Variants in ANK2 observed in about 807,000 individuals in gnomAD.
ANK2 encodes the protein ankyrin-2.
A neutral mutation model predicts 360.5 loss-of-function variants in ANK2; 83 were observed. That is an observed-to-expected ratio of 0.23 (90% CI 0.19 to 0.28). ANK2 has a LOEUF of 0.28. Ranked by LOEUF, ANK2 falls within the 10% of genes least tolerant of loss-of-function variation. The probability of loss-of-function intolerance (pLI) is 1.00; values close to 1 mark genes in which losing one functional copy is unlikely to be tolerated. For synonymous variants in ANK2, 1,740 were observed against 1,759.5 expected, an observed-to-expected ratio of 0.99 and a Z score of 0.28; for missense variants, 4,201 against 4,795.7, an observed-to-expected ratio of 0.88 and a Z score of 3.66.
At chr4:113,243,552 C>G (rs2041179438) in intron 9 of ANK2, among the ~76,000 whole-genome samples, 2 of 152,126 alleles carry the variant, frequency 1.3e-5, no homozygotes, top group African/African-American at 4.8e-5. Flanking sequence ...TGCGTTCTGT[C>G]AAATCTTTGC....
At chr4:112,783,678 G>T in the ANK2 span, among the ~76,000 whole-genome samples, 1 of 143,702 alleles carries the variant, frequency 7.0e-6, no homozygotes, top group Non-Finnish European at 1.5e-5. Flanking sequence ...TTGAGACAGA[G>T]TCTCGCTCTG....
At chr4:113,270,614 C>G (rs904787577) in intron 14 of ANK2, among the ~76,000 whole-genome samples, 18 of 152,056 alleles carry the variant, frequency 1.2e-4, no homozygotes, top group Non-Finnish European at 2.5e-4. Context: ...CCATTCTAAG[C>G]TACAACTGAA....
intron 2 of ANK2, among the ~76,000 whole-genome samples, chr4:113,023,199 T>C (rs1324269730): frequency 2.0e-5 from 3 of 152,252 alleles, no homozygotes; most frequent in Non-Finnish European, 4.4e-5. Context: ...CAGTTCATAA[T>C]TATAGGCTAA....
intron 1 of ANK2, among the ~76,000 whole-genome samples, chr4:112,825,904 A>T (rs939856102): frequency 2.6e-5 from 4 of 152,200 alleles, no homozygotes; most frequent in African/African-American, 9.7e-5. Flanking sequence ...AGATAAGAAC[A>T]TTCCTTTCCT....
chr4:113,096,809 C>T (rs971769566), intron 1 of ANK2, among the ~76,000 whole-genome samples: 1 of 151,764 alleles, frequency 6.6e-6, no homozygotes, highest in Admixed American at 6.6e-5. Flanking sequence ...AGAAAAAAAC[C>T]CAGTAAGTCG....
chr4:113,002,002 T>TTTTA (rs140994396), intron 2 of ANK2, among the ~76,000 whole-genome samples: 23,224 of 150,956 alleles, frequency 0.15, 2,162 homozygotes, highest in East Asian at 0.38. Context: ...CATCCGTTTC[T>TTTTA]TTTATTTATT....
chr4:113,302,522 A>G (rs1362167937), intron 22 of ANK2, among the ~76,000 whole-genome samples: 1 of 152,230 alleles, frequency 6.6e-6, no homozygotes, highest in African/African-American at 2.4e-5. Flanking sequence ...TTATTTTTCA[A>G]ATGAGAACTC....
chr4:113,292,503 G>A lies in ANK2; in HGVS notation c.2365G>A (p.Ala789Thr), dbSNP rs1238418730. 5.6e-6 allele frequency: 9 copies of A among 1,609,150 alleles called. No individual in the cohort carries two copies. The highest frequency in any genetic ancestry group is 4.4e-5 in the South Asian group (4 of 90,066). The change falls in exon 21 of 46, where the codon GCC becomes ACC. Residue 789 changes from alanine to threonine, a missense_variant. Coordinates refer to ENST00000357077, the MANE Select transcript of ANK2 (RefSeq NM_001148.6). ...VLLQHGAKPNATTANGNTALA... is the reference protein window; with the variant it reads ...VLLQHGAKPNTTTANGNTALA... ...GCTCCAGCATGGGGCCAAGCCCAAC[G>A]CCACCACTGCGGTAAGGCAGACGCC... is the stretch of plus-strand genomic sequence containing the variant.
intron 1 of ANK2, among the ~76,000 whole-genome samples, chr4:112,879,270 C>G (rs2076073224): frequency 6.6e-6 from 1 of 152,190 alleles, no homozygotes. Flanking sequence ...AGTTTGACTT[C>G]TGAGGTTCAG....
chr4:113,217,226 A>G lies in ANK2; in HGVS notation c.385-14935A>G, dbSNP rs1195948881. 4 of 152,126 alleles carry G rather than the reference A, an allele frequency of 2.6e-5. No homozygotes were observed. The East Asian group carries it at 7.7e-4, about 29-fold the overall frequency. The allele number at this position is 152,126 out of a possible 1,614,324, so 9.4% of individuals were successfully genotyped here. A position where few individuals can be genotyped will look rare whatever the true frequency, so the allele number is the denominator to read the frequency against. The stretch of plus-strand genomic sequence containing the variant: ...CCTTTATCAAAATATGAGAACTCCC[A>G]TCTCTATCACATTTCCCTTTTTTCT... On this transcript the variant is annotated intron_variant, in intron 4 of 45. Transcript: ENST00000357077.
intron 2 of ANK2, among the ~76,000 whole-genome samples, chr4:112,943,185 A>G (rs2154248021): frequency 6.6e-6 from 1 of 152,200 alleles, no homozygotes; most frequent in South Asian, 2.1e-4. Context: ...AAGCAATGAG[A>G]TGGGGCTTCA....
chr4:112,812,633 G>C, the ANK2 span, among the ~76,000 whole-genome samples: 1 of 152,134 alleles, frequency 6.6e-6, no homozygotes, highest in Non-Finnish European at 1.5e-5. Flanking sequence ...GTAGAAACCA[G>C]CTAACCCTCT....
intron 1 of ANK2, chr4:112,880,668 G>A (rs886228643): frequency 1.3e-5 from 2 of 152,174 alleles, no homozygotes; most frequent in African/African-American, 2.4e-5. Context: ...ACCCAAACTT[G>A]CTCCTTCCAT....
Position 113,274,637 on chromosome 4 carries a change from C to A in ANK2, c.1671C>A (p.Ser557=). ...TATTGGAAGCAGGAGCAGCCCACTCCTTAGCTACCAAGGTAAGGAGAATGA... is the reference window on the plus strand; with the variant it reads ...TATTGGAAGCAGGAGCAGCCCACTCATTAGCTACCAAGGTAAGGAGAATGA... ...SVLLEAGAAH[S]LATKKGFTPL... The change falls in exon 15 of 46, where the codon TCC becomes TCA. Residue 557 remains serine (S), a synonymous_variant. Coordinates refer to ENST00000357077, the MANE Select transcript of ANK2 (RefSeq NM_001148.6). 1 of 1,614,128 alleles carries A rather than the reference C, an allele frequency of 6.2e-7. No individual in the cohort carries two copies. Among genetic ancestry groups the A allele is most frequent in the Non-Finnish European group, 8.5e-7 (1 of 1,180,030 alleles).
chr4:113,222,676 G>T (rs1463523337), intron 4 of ANK2, among the ~76,000 whole-genome samples: 1 of 152,114 alleles, frequency 6.6e-6, no homozygotes, highest in African/African-American at 2.4e-5. Context: ...CGTAAAAGGA[G>T]CCTAATAGCA....
intron 1 of ANK2, among the ~76,000 whole-genome samples, chr4:112,834,741 G>T (rs2149722402): frequency 6.6e-6 from 1 of 152,150 alleles, no homozygotes; most frequent in East Asian, 1.9e-4. Flanking sequence ...TTTGCAGTTG[G>T]ATTGTTTAAG....
intron 2 of ANK2, among the ~76,000 whole-genome samples, chr4:112,951,106 A>AAAAAAAG (rs1427058829): frequency 2.0e-5 from 3 of 149,888 alleles, no homozygotes; most frequent in African/African-American, 2.5e-5. Flanking sequence ...AAAAAAAAAA[A>AAAAAAAG]TGTGTGCCTC....
intron 18 of ANK2, among the ~76,000 whole-genome samples, chr4:113,286,328 A>G (rs1457399127): frequency 6.6e-6 from 1 of 152,228 alleles, no homozygotes; most frequent in Non-Finnish European, 1.5e-5. Context: ...TACACCTTCT[A>G]TCTCACCCTG....
At chr4:112,733,020 C>T in the ANK2 span, among the ~76,000 whole-genome samples, 613 of 152,184 alleles carry the variant, frequency 4.0e-3, 4 homozygotes, top group African/African-American at 0.014. Context: ...AGTTCAAGAC[C>T]AGCCTGGCCA....
Sources: allele counts gnomAD v4.1 joint callset (sites outside exome capture counted in the v4.1 genomes callset), GRCh38; gene constraint gnomAD v4.1.1; transcripts MANE v1.5; gene names NCBI Gene and HGNC (gene_info 2026-07-23, HGNC 2026-07-21).